Variants in MCCC2 observed in about 807,000 individuals in gnomAD.
MCCC2 encodes the protein methylcrotonoyl-CoA carboxylase beta chain, mitochondrial.
MCCC2 carries 52 observed loss-of-function variants against 77.2 expected under a neutral mutation model. That is an observed-to-expected ratio of 0.67 (90% CI 0.54 to 0.85). The LOEUF (loss-of-function observed/expected upper bound fraction) is 0.85, where lower values mean the gene tolerates loss of function less well. Ranked by LOEUF, MCCC2 falls within the 40% of genes least tolerant of loss-of-function variation. The pLI, the probability that MCCC2 is intolerant of heterozygous loss-of-function variation, is 0.00. For synonymous variants in MCCC2, 253 were observed against 248.4 expected (o/e 1.02, Z -0.18); for missense variants, 682 against 703.2 (o/e 0.97, Z 0.34).
At chr5:71,636,936 G>A (rs1034013498) in intron 10 of MCCC2, among the ~76,000 whole-genome samples, 6 of 151,538 alleles carry the variant, frequency 4.0e-5, no homozygotes, top group Non-Finnish European at 7.4e-5. Context: ...TAGAGGCGGG[G>A]TTTCACCATG....
intron 6 of MCCC2, among the ~76,000 whole-genome samples, chr5:71,613,612 T>G (rs1017187445): frequency 1.3e-5 from 2 of 152,146 alleles, no homozygotes; most frequent in Non-Finnish European, 2.9e-5. Context: ...GGCACACACC[T>G]GTGGTCCTAG....
At position 71,632,180 on chromosome 5, in the gene MCCC2, T is replaced by C. The variant is rs932586663; in HGVS notation, c.798T>C (p.His266=). 8 of 1,613,942 alleles carry C rather than the reference T, an allele frequency of 5.0e-6. No homozygotes were observed. The highest frequency in any genetic ancestry group is 1.6e-4 in the Middle Eastern group (1 of 6,084). Residue 266 remains histidine, a synonymous_variant, in exon 8 of 17, where the codon CAT becomes CAC. Coordinates refer to ENST00000340941, the MANE Select transcript of MCCC2 (RefSeq NM_022132.5). ...SAEDLGGADL[H]CRKSGVSDHW... ...AGGATCTTGGAGGTGCTGATCTTCA[T>C]TGCAGGTGAAACAGAAATGGTTGTT...
intron 6 of MCCC2, among the ~76,000 whole-genome samples, 198 bp downstream of exon 6, chr5:71,604,666 G>T (rs2112330332): frequency 6.6e-6 from 1 of 151,528 alleles, no homozygotes; most frequent in East Asian, 1.9e-4. Context: ...GTGCCATGCT[G>T]GTGCGCTGCA....
chr5:71,603,764 TCTGAA>T (rs1010321428), intron 5 of MCCC2, among the ~76,000 whole-genome samples: 8 of 152,208 alleles, frequency 5.3e-5, no homozygotes, highest in African/African-American at 1.9e-4. Context: ...GGTTGCAGAT[TCTGAA>T]CTAAGTGCTT....
chr5:71,627,897 G>A (rs1410970648), intron 7 of MCCC2, among the ~76,000 whole-genome samples: 2 of 151,916 alleles, frequency 1.3e-5, no homozygotes, highest in East Asian at 1.9e-4. Flanking sequence ...AGGCTGGAGT[G>A]CAGTGGTGTG....
chr5:71,591,815 C>T (rs1057367185), intron 1 of MCCC2, among the ~76,000 whole-genome samples: 3 of 152,166 alleles, frequency 2.0e-5, no homozygotes, highest in Admixed American at 6.5e-5. Flanking sequence ...TACAATGGCA[C>T]GATCCTAGTT....
At chr5:71,594,380 T>G (rs1267042103) in intron 2 of MCCC2, among the ~76,000 whole-genome samples, 2 of 151,942 alleles carry the variant, frequency 1.3e-5, no homozygotes, top group Non-Finnish European at 2.9e-5. Context: ...AATACAAAAT[T>G]AGCTGGGTGT....
chr5:71,610,250 G>T (rs1471063349), intron 6 of MCCC2, among the ~76,000 whole-genome samples: 1 of 152,246 alleles, frequency 6.6e-6, no homozygotes, highest in African/African-American at 2.4e-5. Flanking sequence ...TCCGAGCCAG[G>T]TGCGGGATAT....
intron 3 of MCCC2, among the ~76,000 whole-genome samples, chr5:71,598,096 C>T (rs1204444443): frequency 3.7e-5 from 5 of 134,942 alleles, no homozygotes; most frequent in Middle Eastern, 4.6e-3. Context: ...TTTTTTGAGA[C>T]GGAGTCTCAC....
chr5:71,656,991 C>T lies in MCCC2; in HGVS notation c.*131C>T. 1.5e-6 allele frequency: 1 copy of T among 689,290 alleles called. No individual in the cohort carries two copies. The highest frequency in any genetic ancestry group is 1.6e-5 in the South Asian group (1 of 61,516). 42.7% of individuals were successfully genotyped at this position (689,290 alleles called of 1,614,324 possible). A position where few individuals can be genotyped will look rare whatever the true frequency, so the allele number is the denominator to read the frequency against. On this transcript the variant is annotated 3_prime_UTR_variant, in exon 17 of 17. Coordinates refer to ENST00000340941, the MANE Select transcript of MCCC2 (RefSeq NM_022132.5). Reference sequence around the variant, plus strand: ...TAACACTGTGCATTGTACTTTTCTACCTTAAAAAAATCAGTGAGGATATTT... The same window carrying T: ...TAACACTGTGCATTGTACTTTTCTATCTTAAAAAAATCAGTGAGGATATTT...
At chr5:71,631,492 G>A (rs889844571) in intron 7 of MCCC2, among the ~76,000 whole-genome samples, 1 of 151,954 alleles carries the variant, frequency 6.6e-6, no homozygotes, top group Non-Finnish European at 1.5e-5. Flanking sequence ...ACATGTGTCA[G>A]GGCAGCATGA....
At chr5:71,602,747 C>T (rs2112321329) in intron 5 of MCCC2, 114 bp downstream of exon 5, 5 of 1,459,776 alleles carry the variant, frequency 3.4e-6, no homozygotes, top group South Asian at 1.2e-5. Context: ...GTTGATTTCT[C>T]CTGTAATTAT....
At chr5:71,599,802 A>C in intron 4 of MCCC2, 42 bp downstream of exon 4, 1 of 1,512,648 alleles carries the variant, frequency 6.6e-7, no homozygotes, top group Non-Finnish European at 9.2e-7. Context: ...GTTGAGAAGA[A>C]GACTTTGATG....
At chr5:71,622,903 G>C (rs277989) in intron 6 of MCCC2, among the ~76,000 whole-genome samples, 50,431 of 152,112 alleles carry the variant, frequency 0.33, 8,929 homozygotes, top group East Asian at 0.52. Context: ...TCAGGAGATC[G>C]AGACCATCCT....
chr5:71,644,062 TGTGTGTGTGC>T (rs1179863971), intron 12 of MCCC2, among the ~76,000 whole-genome samples, 167 bp downstream of exon 12: 83 of 148,348 alleles, frequency 5.6e-4, no homozygotes, highest in Non-Finnish European at 9.5e-4. Context: ...TGTGTGTGTG[TGTGTGTGTGC>T]GCGCGTGTGT....
intron 6 of MCCC2, among the ~76,000 whole-genome samples, chr5:71,616,087 C>T (rs1001863920): frequency 6.6e-6 from 1 of 152,200 alleles, no homozygotes; most frequent in East Asian, 1.9e-4. Context: ...CAAACTCATC[C>T]AAGTGCTAGG....
Position 71,592,841 on chromosome 5 carries a change from T to G in MCCC2, c.130-85T>G, listed in dbSNP as rs539208882. ...CACAGAGTTGGCACAGACCACTGTT[T>G]TTTTTTTTTTTTTGACCTTTATTTT... is the stretch of plus-strand genomic sequence containing the variant. On this transcript the variant is annotated intron_variant, in intron 1 of 16. Coordinates refer to ENST00000340941, the MANE Select transcript of MCCC2 (RefSeq NM_022132.5). 75 of 992,692 alleles carry G rather than the reference T, an allele frequency of 7.6e-5. No homozygotes were observed. In the South Asian group the frequency reaches 9.0e-4, roughly 12 times the overall value. 61.5% of individuals were successfully genotyped at this position (992,692 alleles called of 1,614,324 possible). A position where few individuals can be genotyped will look rare whatever the true frequency, so the allele number is the denominator to read the frequency against.
rs2112453739 is a variant in MCCC2, at chr5:71,641,009, G to C, written c.1006G>C (p.Ala336Pro). 6.2e-7 allele frequency: 1 copy of C among 1,613,954 alleles called. No individual in the cohort carries two copies. The highest frequency in any genetic ancestry group is 2.2e-5 in the East Asian group (1 of 44,858). ...KRSFDVREVI[A>P]RIVDGSRFTE... ...TTGTTGTTTTTCCTCTTAGGTCATTGCTAGAATCGTGGATGGAAGCAGATT... is the reference window on the plus strand; with the variant it reads ...TTGTTGTTTTTCCTCTTAGGTCATTCCTAGAATCGTGGATGGAAGCAGATT... The change falls in exon 11 of 17, where the codon GCT (alanine) becomes CCT (proline). Residue 336 changes from alanine (A) to proline (P), a missense_variant. Ala to Pro is a conservative substitution (Grantham distance 27, BLOSUM62 -1). Transcript: ENST00000340941.
At chr5:71,604,277 C>T in intron 5 of MCCC2, 79 bp from the exon 6 acceptor site, 2 of 1,187,908 alleles carry the variant, frequency 1.7e-6, no homozygotes, top group Admixed American at 1.7e-5. Flanking sequence ...AGAACTGATG[C>T]TGTCATTGAT....
Sources: allele counts gnomAD v4.1 joint callset (sites outside exome capture counted in the v4.1 genomes callset), GRCh38; gene constraint gnomAD v4.1.1; transcripts MANE v1.5; gene names NCBI Gene and HGNC (gene_info 2026-07-23, HGNC 2026-07-21).